Variants in FARS2 observed in about 807,000 individuals in gnomAD.
The protein encoded by FARS2 is phenylalanyl-tRNA synthetase 2, mitochondrial, also known as phenylalanine--tRNA ligase, mitochondrial.
In FARS2, 40 loss-of-function variants were observed where a neutral mutation model predicts 46.4. The observed-to-expected ratio is 0.86, with a 90% CI of 0.67 to 1.12. The LOEUF is 1.12. FARS2 is among the 50% of genes most tolerant of loss of function. The pLI, the probability that FARS2 is intolerant of heterozygous loss-of-function variation, is 0.00. For missense variants in FARS2, 513 were observed against 567.9 expected (o/e 0.90, Z 0.98); for synonymous variants, 234 against 214.9 (o/e 1.09, Z -0.78).
intron 1 of FARS2, among the ~76,000 whole-genome samples, chr6:5,337,255 T>G (rs1216164068): frequency 2.6e-4 from 40 of 152,012 alleles, no homozygotes; most frequent in Non-Finnish European, 4.4e-5. Context: ...TGTCAAGTCT[T>G]GTGTTAGTTT....
intron 2 of FARS2, among the ~76,000 whole-genome samples, chr6:5,394,883 A>G (rs1375342786): frequency 6.6e-6 from 1 of 152,166 alleles, no homozygotes; most frequent in African/African-American, 2.4e-5. Context: ...TCGAAGTGGT[A>G]CAGAAACCAT....
chr6:5,544,965 TGA>T (rs901685961), intron 4 of FARS2, among the ~76,000 whole-genome samples: 1 of 152,276 alleles, frequency 6.6e-6, no homozygotes, highest in African/African-American at 2.4e-5. Context: ...CCAGACAGTA[TGA>T]CTTCAGAATC....
At chr6:5,627,678 A>C (rs1049017103) in intron 6 of FARS2, among the ~76,000 whole-genome samples, 1 of 152,192 alleles carries the variant, frequency 6.6e-6, no homozygotes, top group Non-Finnish European at 1.5e-5. Flanking sequence ...TTAGCTTTCT[A>C]CTATATTTGG....
intron 1 of FARS2, among the ~76,000 whole-genome samples, chr6:5,352,181 T>C (rs1757620645): frequency 6.6e-6 from 1 of 151,648 alleles, no homozygotes; most frequent in Non-Finnish European, 1.5e-5. Context: ...TTAGTGTTAG[T>C]GTATTTTATG....
intron 4 of FARS2, among the ~76,000 whole-genome samples, chr6:5,533,900 A>G (rs944120421): frequency 3.9e-5 from 6 of 152,246 alleles, no homozygotes; most frequent in Admixed American, 3.9e-4. Flanking sequence ...CAGTTGGCAG[A>G]TACCTTTTGT....
chr6:5,288,087 C>T (rs17140098), intron 1 of FARS2, among the ~76,000 whole-genome samples: 1,778 of 152,282 alleles, frequency 0.012, 29 homozygotes, highest in African/African-American at 0.04. Context: ...CTGCATCCAA[C>T]ATGTTTGTTC....
intron 5 of FARS2, among the ~76,000 whole-genome samples, chr6:5,581,927 A>C (rs7750830): frequency 0.013 from 1,952 of 148,906 alleles, 39 homozygotes; most frequent in African/African-American, 0.045. Context: ...ATAAATGGTC[A>C]CAGTAACATA....
At chr6:5,693,984 C>T (rs937727886) in intron 6 of FARS2, among the ~76,000 whole-genome samples, 2 of 152,192 alleles carry the variant, frequency 1.3e-5, no homozygotes. Context: ...CATAAAAGCC[C>T]ACCCATTTTC....
At chr6:5,287,049 G>A (rs1767171414) in intron 1 of FARS2, among the ~76,000 whole-genome samples, 1 of 152,254 alleles carries the variant, frequency 6.6e-6, no homozygotes, top group Admixed American at 6.5e-5. Context: ...TGGCTCTGTT[G>A]AGGGCTGCCT....
chr6:5,735,161 C>T (rs1042788743), intron 6 of FARS2, among the ~76,000 whole-genome samples: 3 of 152,186 alleles, frequency 2.0e-5, no homozygotes, highest in African/African-American at 4.8e-5. Context: ...GTACCCCTGG[C>T]TACATTTATT....
rs181446906 is a variant in FARS2 at position 5,748,371 on chromosome 6, A to G, written c.1218-22920A>G. Reference sequence around the variant, plus strand: ...GGTACAAAGGGCACAGCCAACCTCAATGCAGAAAATGTAAAGAGAAAATAA... The same window carrying G: ...GGTACAAAGGGCACAGCCAACCTCAGTGCAGAAAATGTAAAGAGAAAATAA... On this transcript the variant is annotated intron_variant, in intron 6 of 6. Transcript: ENST00000274680. Among the ~76,000 whole-genome samples, 45 of 152,366 alleles carry G rather than the reference A, an allele frequency of 3.0e-4. No homozygotes were observed. In the East Asian group the frequency reaches 5.8e-3, roughly 20 times the overall value.
At chr6:5,420,571 G>A (rs1324082871) in intron 3 of FARS2, among the ~76,000 whole-genome samples, 1 of 152,226 alleles carries the variant, frequency 6.6e-6, no homozygotes, top group African/African-American at 2.4e-5. Context: ...GTGAAATCCA[G>A]TGGGGCAGTA....
chr6:5,737,809 A>G (rs1425407073), intron 6 of FARS2, among the ~76,000 whole-genome samples: 4 of 152,152 alleles, frequency 2.6e-5, no homozygotes, highest in Non-Finnish European at 5.9e-5. Flanking sequence ...AGGACTGGAG[A>G]GGGAGCAGCC....
At chr6:5,473,548 A>AC (rs1561645413) in intron 4 of FARS2, among the ~76,000 whole-genome samples, 12 of 135,952 alleles carry the variant, frequency 8.8e-5, no homozygotes, top group African/African-American at 3.7e-4. Context: ...AAAAAAACAA[A>AC]AAAAAAAAAC....
intron 5 of FARS2, among the ~76,000 whole-genome samples, chr6:5,545,999 G>A (rs998821687): frequency 1.3e-4 from 20 of 151,914 alleles, no homozygotes; most frequent in African/African-American, 4.1e-4. Context: ...ATGGTGGCAC[G>A]CACCTGTAGT....
At chr6:5,574,180 G>A (rs182787471) in intron 5 of FARS2, among the ~76,000 whole-genome samples, 4 of 152,216 alleles carry the variant, frequency 2.6e-5, no homozygotes, top group African/African-American at 9.6e-5. Flanking sequence ...CATCCAGGCT[G>A]GACTACAGTG....
At chr6:5,384,892 A>C (rs116201909) in intron 2 of FARS2, among the ~76,000 whole-genome samples, 3,105 of 152,264 alleles carry the variant, frequency 0.02, 103 homozygotes, top group African/African-American at 0.07. Context: ...ACTGGCACAA[A>C]GTCTCATTGC....
intron 6 of FARS2, among the ~76,000 whole-genome samples, chr6:5,646,002 C>T (rs1324507516): frequency 1.3e-5 from 2 of 152,112 alleles, no homozygotes; most frequent in Admixed American, 6.5e-5. Flanking sequence ...GGAAGCCATC[C>T]TGTTTTTAGG....
intron 1 of FARS2, among the ~76,000 whole-genome samples, chr6:5,337,066 T>C (rs1210935052): frequency 7.1e-6 from 1 of 140,948 alleles, no homozygotes; most frequent in Non-Finnish European, 1.6e-5. Flanking sequence ...AAATATCACT[T>C]CTTTTTTTTT....
Sources: gnomAD v4.1 joint callset for allele counts (sites outside exome capture counted in the v4.1 genomes callset) on GRCh38, gnomAD v4.1.1 for gene constraint, MANE v1.5 for transcripts, NCBI Gene and HGNC (gene_info 2026-07-23, HGNC 2026-07-21) for gene names.